Variants in GTF2H1 observed in about 807,000 individuals in gnomAD.
GTF2H1 encodes BTF2 p62.
Under a neutral mutation model 71.2 loss-of-function variants are expected in GTF2H1, and 16 were observed. The observed-to-expected ratio is 0.22, with a 90% CI of 0.15 to 0.34. GTF2H1 has a LOEUF of 0.34. Ranked by LOEUF, GTF2H1 falls within the 10% of genes least tolerant of loss-of-function variation. GTF2H1 has a pLI of 1.00. For missense variants in GTF2H1, 498 were observed against 648.2 expected, an observed-to-expected ratio of 0.77 and a Z score of 2.52; for synonymous variants, 215 against 219.0, an observed-to-expected ratio of 0.98 and a Z score of 0.16.
chr11:18,338,070 C>A (rs758624782), intron 3 of GTF2H1, 39 bp from the exon 4 acceptor site: 6 of 1,421,668 alleles, frequency 4.2e-6, no homozygotes, highest in Non-Finnish European at 5.9e-6. Flanking sequence ...GTGTTTTATT[C>A]TAGAAGTTCA....
At chr11:18,353,356 TAG>T (rs1865470905) in intron 11 of GTF2H1, among the ~76,000 whole-genome samples, 1 of 152,250 alleles carries the variant, frequency 6.6e-6, no homozygotes, top group African/African-American at 2.4e-5. Context: ...AAACTCTTTA[TAG>T]TCTGGCCCCA....
chr11:18,357,018 A>G (rs1026724652), intron 11 of GTF2H1, among the ~76,000 whole-genome samples: 1 of 152,006 alleles, frequency 6.6e-6, no homozygotes, highest in African/African-American at 2.4e-5. Flanking sequence ...GTATCTGACA[A>G]AAGGAAAATA....
chr11:18,364,227 A>G (rs1408260341), intron 14 of GTF2H1, among the ~76,000 whole-genome samples: 1 of 152,200 alleles, frequency 6.6e-6, no homozygotes, highest in Non-Finnish European at 1.5e-5. Context: ...ACTATCCCCC[A>G]TAATGATAAA....
intron 14 of GTF2H1, among the ~76,000 whole-genome samples, chr11:18,363,818 A>G (rs1419622195): frequency 3.3e-5 from 5 of 151,946 alleles, no homozygotes; most frequent in Admixed American, 3.3e-4. Flanking sequence ...TACACCTGTA[A>G]TCCCAGTACT....
intron 14 of GTF2H1, among the ~76,000 whole-genome samples, chr11:18,363,306 C>T (rs1163576655): frequency 1.3e-5 from 2 of 152,094 alleles, no homozygotes; most frequent in Non-Finnish European, 2.9e-5. Context: ...TTATCATTAT[C>T]AAGTATTAGG....
At chr11:18,328,338 C>T (rs978989522) in intron 1 of GTF2H1, among the ~76,000 whole-genome samples, 13 of 151,568 alleles carry the variant, frequency 8.6e-5, no homozygotes. Context: ...TGGCGAAACC[C>T]CGTCTCTACT....
chr11:18,338,375 G>T, intron 4 of GTF2H1, 101 bp downstream of exon 4: 1 of 701,338 alleles, frequency 1.4e-6, no homozygotes, highest in Non-Finnish European at 2.5e-6. Flanking sequence ...TTTCCTTAAA[G>T]GAAAGTAATG....
In GTF2H1 at chr11:18,327,355, GTATC is replaced by G. The variant is rs1486057155; in HGVS notation, c.-16+4620_-16+4623del. 3.3e-5 allele frequency among the ~76,000 whole-genome samples: 5 copies of G among 151,200 alleles called. No individual in the cohort carries two copies. In the East Asian group the frequency reaches 7.7e-4, roughly 23 times the overall value. The stretch of plus-strand genomic sequence containing the variant: ...CCATAGATAATCATTATTAAATTTG[GTATC>G]TATCCCTTCATTCGCATATATTTTC... On this transcript the variant is annotated intron_variant, in intron 1 of 14. Coordinates refer to ENST00000265963, the MANE Select transcript of GTF2H1 (RefSeq NM_005316.4).
At chr11:18,331,180 C>G (rs1490359188) in intron 1 of GTF2H1, among the ~76,000 whole-genome samples, 3 of 152,116 alleles carry the variant, frequency 2.0e-5, no homozygotes, top group African/African-American at 7.2e-5. Context: ...CTTCAGCATT[C>G]CAAGTAGCTG....
intron 13 of GTF2H1, 149 bp from the exon 14 acceptor site, chr11:18,360,466 A>G: frequency 1.9e-6 from 1 of 513,740 alleles, no homozygotes; most frequent in South Asian, 2.8e-5. Context: ...AAGGGTTAAC[A>G]ATGTGATATA....
chr11:18,350,407 T>C (rs910980472), intron 9 of GTF2H1, among the ~76,000 whole-genome samples: 1 of 150,032 alleles, frequency 6.7e-6, no homozygotes, highest in African/African-American at 2.4e-5. Flanking sequence ...TCCTTGAAGT[T>C]GGCTGAAAGG....
intron 11 of GTF2H1, among the ~76,000 whole-genome samples, chr11:18,355,167 G>A (rs1261465412): frequency 6.7e-6 from 1 of 149,484 alleles, no homozygotes; most frequent in Non-Finnish European, 1.5e-5. Context: ...TTGTGAGACG[G>A]AGTCTTGCTC....
chr11:18,356,060 C>A (rs1808599689), intron 11 of GTF2H1, among the ~76,000 whole-genome samples: 1 of 152,038 alleles, frequency 6.6e-6, no homozygotes, highest in African/African-American at 2.4e-5. Context: ...GTGGAATTTT[C>A]TTTTTAGCAC....
At chr11:18,342,252 C>CTTTTTTTTTTTTTTTTTTTTTTTTTTTTT (rs71047585) in intron 7 of GTF2H1, among the ~76,000 whole-genome samples, 1 of 72,720 alleles carries the variant, frequency 1.4e-5, no homozygotes, top group African/African-American at 5.1e-5. Flanking sequence ...TTTTCTGTCT[C>CTTTTTTTTTTTTTTTTTTTTTTTTTTTTT]TTTTTTTTTT....
intron 2 of GTF2H1, among the ~76,000 whole-genome samples, chr11:18,333,801 T>C (rs1051470903): frequency 6.6e-6 from 1 of 152,220 alleles, no homozygotes; most frequent in African/African-American, 2.4e-5. Context: ...GGTTTATGCA[T>C]TTAAAATGCT....
In GTF2H1 at chr11:18,333,205, G is replaced by T. The variant is rs1376020580; in HGVS notation, c.131G>T (p.Ser44Ile). The change falls in exon 2 of 15, where the codon AGC becomes ATC. Residue 44 changes from serine to isoleucine, a missense_variant. By Grantham distance (142) the Ser-to-Ile change is moderately radical. Coordinates refer to ENST00000265963, the MANE Select transcript of GTF2H1 (RefSeq NM_005316.4). ...APEGKDRFTISHMYADIKCQK... is the reference protein window; with the variant it reads ...APEGKDRFTIIHMYADIKCQK... The stretch of plus-strand genomic sequence containing the variant: ...GAAGGCAAAGATAGATTTACAATCA[G>T]CCATATGTATGCAGATATTAAATGT... 6.2e-7 allele frequency: 1 copy of T among 1,612,986 alleles called. No homozygotes were observed. The highest frequency in any genetic ancestry group is 8.5e-7 in the Non-Finnish European group (1 of 1,179,318).
intron 11 of GTF2H1, among the ~76,000 whole-genome samples, chr11:18,355,463 AG>A: frequency 6.6e-6 from 1 of 150,860 alleles, no homozygotes; most frequent in Non-Finnish European, 1.5e-5. Context: ...TTATTAACCA[AG>A]GTACAACTTA....
intron 14 of GTF2H1, among the ~76,000 whole-genome samples, chr11:18,364,364 C>G (rs1865773648): frequency 6.6e-6 from 1 of 152,140 alleles, no homozygotes; most frequent in African/African-American, 2.4e-5. Context: ...AACTTTACTT[C>G]TAAACACATA....
chr11:18,323,652 A>G (rs747869295), intron 1 of GTF2H1, among the ~76,000 whole-genome samples: 4 of 152,232 alleles, frequency 2.6e-5, no homozygotes, highest in African/African-American at 4.8e-5. Flanking sequence ...GTGATTTTCA[A>G]ACATTTTAAA....
Sources: gnomAD v4.1 joint callset for allele counts (sites outside exome capture counted in the v4.1 genomes callset) on GRCh38, gnomAD v4.1.1 for gene constraint, MANE v1.5 for transcripts, NCBI Gene and HGNC (gene_info 2026-07-23, HGNC 2026-07-21) for gene names.